The following THOC1 variants were observed in gnomAD, a reference collection of about 807,000 sequenced individuals.
THOC1 encodes the protein THO complex 1.
Under a neutral mutation model 97.3 loss-of-function variants are expected in THOC1, and 29 were observed. The ratio of observed to expected loss-of-function variants is 0.30; its 90% CI spans 0.22 to 0.41. THOC1 has a LOEUF of 0.41. Among genes scored for constraint, THOC1 ranks in the 10% least tolerant of loss-of-function variants. THOC1 has a pLI of 1.00. For missense variants in THOC1, 529 were observed against 761.9 expected, an observed-to-expected ratio of 0.69 and a Z score of 3.60; for synonymous variants, 255 against 257.0, an observed-to-expected ratio of 0.99 and a Z score of 0.07.
intron 18 of THOC1, among the ~76,000 whole-genome samples, chr18:218,615 G>C (rs567792551): frequency 6.6e-6 from 1 of 152,126 alleles, no homozygotes; most frequent in South Asian, 2.1e-4. Context: ...AGAGAGAACA[G>C]AACTAATAGT....
At chr18:229,382 A>C (rs1713427498) in intron 11 of THOC1, among the ~76,000 whole-genome samples, 1 of 152,076 alleles carries the variant, frequency 6.6e-6, no homozygotes, top group Non-Finnish European at 1.5e-5. Flanking sequence ...CCACTAATCC[A>C]TTGAAAGTGT....
At chr18:250,747 C>T (rs1912252197) in intron 9 of THOC1, among the ~76,000 whole-genome samples, 1 of 152,176 alleles carries the variant, frequency 6.6e-6, no homozygotes, top group Non-Finnish European at 1.5e-5. Flanking sequence ...ACATTAGTGA[C>T]TGTGACAGAG....
At chr18:257,626 G>C (rs1166116821) in intron 7 of THOC1, among the ~76,000 whole-genome samples, 2 of 151,912 alleles carry the variant, frequency 1.3e-5, no homozygotes, top group East Asian at 1.9e-4. Context: ...CTTCTCAAAC[G>C]TAACAGCCAA....
At chr18:246,588 A>G (rs1244054664) in intron 10 of THOC1, 133 bp from the exon 11 acceptor site, 10 of 660,596 alleles carry the variant, frequency 1.5e-5, no homozygotes, top group South Asian at 7.7e-5. Context: ...GCACACTAAC[A>G]ATACAAATTA....
chr18:236,382 G>C (rs1911689658), intron 11 of THOC1, among the ~76,000 whole-genome samples: 1 of 122,162 alleles, frequency 8.2e-6, no homozygotes, highest in South Asian at 2.5e-4. Context: ...TTGAGACGGA[G>C]TCTCGCTCTG....
chr18:238,032 A>G (rs1911770084), intron 11 of THOC1, among the ~76,000 whole-genome samples: 1 of 151,824 alleles, frequency 6.6e-6, no homozygotes, highest in Non-Finnish European at 1.5e-5. Flanking sequence ...ACGCCTGGAT[A>G]ATTTTTGTAT....
intron 19 of THOC1, chr18:216,147 T>C: frequency 3.3e-5 from 6 of 182,080 alleles, no homozygotes; most frequent in South Asian, 1.3e-4. Flanking sequence ...AGAGACGGGG[T>C]TTCACCATAT....
chr18:261,337 T>C (rs138633950), intron 4 of THOC1, among the ~76,000 whole-genome samples: 2 of 152,234 alleles, frequency 1.3e-5, no homozygotes, highest in African/African-American at 4.8e-5. Context: ...ATATCTAGGG[T>C]GATCTAAGCC....
chr18:253,423 T>C (rs1912342597), intron 8 of THOC1, among the ~76,000 whole-genome samples: 1 of 152,176 alleles, frequency 6.6e-6, no homozygotes, highest in Admixed American at 6.5e-5. Context: ...CACTCTGAGA[T>C]TTATCAAGAG....
chr18:227,559 T>C (rs1220675277), intron 11 of THOC1, among the ~76,000 whole-genome samples: 2 of 152,056 alleles, frequency 1.3e-5, no homozygotes, highest in Non-Finnish European at 2.9e-5. Flanking sequence ...CATACTTGTA[T>C]TATCACAGAA....
chr18:215,530 G>T (rs746488406), intron 19 of THOC1, 26 bp from the exon 20 acceptor site: 1 of 1,574,486 alleles, frequency 6.4e-7, no homozygotes, highest in Admixed American at 1.7e-5. Context: ...AAGAATGTTT[G>T]AAAGAATGCC....
At chr18:228,101 T>C (rs1045636254) in intron 11 of THOC1, among the ~76,000 whole-genome samples, 1 of 152,196 alleles carries the variant, frequency 6.6e-6, no homozygotes, top group Non-Finnish European at 1.5e-5. Flanking sequence ...CCTGGGCAAC[T>C]TGACTGTCTC....
At position 268,036 on chromosome 18, in the gene THOC1, G is replaced by A. The variant is rs1038296431; in HGVS notation, c.-17C>T. ...CGGAGACATCTTCTCGGCTGCGCGT[G>A]CCCGCCACTGCGCTGCGGCGCCTGC... On this transcript the variant is annotated 5_prime_UTR_variant, in exon 1 of 21. Coordinates refer to ENST00000261600, the MANE Select transcript of THOC1 (RefSeq NM_005131.3). 24 of 1,555,316 alleles carry A rather than the reference G, an allele frequency of 1.5e-5. No homozygotes were observed. Among genetic ancestry groups the A allele is most frequent in the Non-Finnish European group, 1.9e-5 (22 of 1,151,384 alleles).
intron 11 of THOC1, among the ~76,000 whole-genome samples, chr18:231,212 T>C (rs528386349): frequency 9.2e-5 from 14 of 152,308 alleles, no homozygotes; most frequent in African/African-American, 2.9e-4. Context: ...GTCTCCTAAA[T>C]AGCTGGAACT....
chr18:221,864 T>C (rs909809417), intron 17 of THOC1, among the ~76,000 whole-genome samples: 6 of 152,146 alleles, frequency 3.9e-5, no homozygotes, highest in African/African-American at 1.4e-4. Flanking sequence ...CGCCTTGGCC[T>C]CCCAAAGTGC....
intron 20 of THOC1, 53 bp downstream of exon 20, chr18:215,373 AAAG>A: frequency 1.5e-6 from 2 of 1,370,534 alleles, no homozygotes; most frequent in Admixed American, 3.5e-5. Flanking sequence ...ACCTATCAAC[AAAG>A]AACCCCAATC....
chr18:220,401 CTT>C (rs1326443835), intron 17 of THOC1, among the ~76,000 whole-genome samples: 2 of 152,094 alleles, frequency 1.3e-5, no homozygotes, highest in Non-Finnish European at 2.9e-5. Context: ...ACTAAATTGA[CTT>C]TACAAACCAC....
chr18:232,927 A>G (rs927127361), intron 11 of THOC1, among the ~76,000 whole-genome samples: 7 of 152,148 alleles, frequency 4.6e-5, no homozygotes, highest in African/African-American at 1.7e-4. Context: ...TCTTTTATCA[A>G]TGGAATATTT....
intron 19 of THOC1, chr18:215,751 G>A (rs1299143957): frequency 9.1e-6 from 4 of 438,344 alleles, no homozygotes; most frequent in Admixed American, 3.8e-5. Flanking sequence ...GAAGCAGGAA[G>A]TCAGTAAAAA....
Sources: allele counts gnomAD v4.1 joint callset (sites outside exome capture counted in the v4.1 genomes callset), GRCh38; gene constraint gnomAD v4.1.1; transcripts MANE v1.5; gene names NCBI Gene and HGNC (gene_info 2026-07-23, HGNC 2026-07-21).